The following C12orf42 variants were observed in gnomAD, a reference collection of about 807,000 sequenced individuals.
The protein encoded by C12orf42 is chromosome 12 open reading frame 42, also known as uncharacterized protein C12orf42.
A neutral mutation model predicts 21.6 loss-of-function variants in C12orf42; 25 were observed. That is an observed-to-expected ratio of 1.16 (90% confidence interval 0.84 to 1.62). C12orf42 has a LOEUF of 1.62. Among genes scored for constraint, C12orf42 ranks in the 40% most tolerant of loss-of-function variants. C12orf42 has a pLI of 0.00. For missense variants in C12orf42, 483 were observed against 459.3 expected (o/e 1.05, Z -0.47); for synonymous variants, 174 against 175.0 (o/e 0.99, Z 0.05).
At chr12:103,428,399 C>T (rs1400562029) in intron 2 of C12orf42, among the ~76,000 whole-genome samples, 4 of 151,952 alleles carry the variant, frequency 2.6e-5, no homozygotes, top group Non-Finnish European at 4.4e-5. Context: ...ACACATACAC[C>T]CTCCCAAACT....
chr12:103,213,372 C>G, the C12orf42 span, among the ~76,000 whole-genome samples: 1 of 152,160 alleles, frequency 6.6e-6, no homozygotes, highest in East Asian at 1.9e-4. Context: ...TGCTTTCAAC[C>G]ACACAAAAAT....
the C12orf42 span, among the ~76,000 whole-genome samples, chr12:103,157,518 G>C: frequency 6.6e-6 from 1 of 152,140 alleles, no homozygotes; most frequent in Non-Finnish European, 1.5e-5. Flanking sequence ...ATTGCCTTTG[G>C]TGTTTTAGTC....
At chr12:103,295,862 T>A (rs574165598) in intron 4 of C12orf42, among the ~76,000 whole-genome samples, 18 of 152,268 alleles carry the variant, frequency 1.2e-4, no homozygotes, top group Admixed American at 2.6e-4. Flanking sequence ...CCAATTTTTT[T>A]AAATTTTTTT....
chr12:103,319,814 G>C (rs1043549643), intron 4 of C12orf42, among the ~76,000 whole-genome samples: 1 of 152,200 alleles, frequency 6.6e-6, no homozygotes, highest in Admixed American at 6.5e-5. Flanking sequence ...CCTTCGCACA[G>C]CAGTGGTGCT....
chr12:103,349,544 G>T (rs897328916), intron 4 of C12orf42, among the ~76,000 whole-genome samples: 2 of 152,082 alleles, frequency 1.3e-5, no homozygotes, highest in Non-Finnish European at 2.9e-5. Flanking sequence ...ATTTAAAGGA[G>T]TCCTATATTA....
intron 4 of C12orf42, among the ~76,000 whole-genome samples, chr12:103,365,108 T>C (rs568778484): frequency 4.6e-5 from 7 of 152,026 alleles, no homozygotes; most frequent in Non-Finnish European, 7.4e-5. Flanking sequence ...CAACAGCATA[T>C]CAAAAAGATA....
In C12orf42 at chr12:103,279,797, G is replaced by A. The variant is rs144913078; in HGVS notation, n.338-2587C>T. Among the ~76,000 whole-genome samples, 420 of 152,228 alleles carry A rather than the reference G, an allele frequency of 2.8e-3. 1 individual carries two copies. The highest frequency in any genetic ancestry group is 7.6e-3 in the African/African-American group (317 of 41,524). ...GAAAGAGTCCAGCTTTCTCTCTCTC[G>A]TGTTGAAAGATGGGACACCATGGCA... On this transcript the variant is annotated intron_variant and non_coding_transcript_variant, in intron 4 of 6. Coordinates refer to the C12orf42 transcript ENST00000546526.
At chr12:103,342,070 A>C (rs2137259396) in intron 4 of C12orf42, among the ~76,000 whole-genome samples, 1 of 152,358 alleles carries the variant, frequency 6.6e-6, no homozygotes, top group South Asian at 2.1e-4. Flanking sequence ...AAATAGATAG[A>C]TAGACAGATA....
chr12:103,435,902 G>A (rs1053697393), intron 2 of C12orf42, among the ~76,000 whole-genome samples: 9 of 150,312 alleles, frequency 6.0e-5, no homozygotes, highest in South Asian at 2.1e-4. Flanking sequence ...TACAGAGAAC[G>A]CCACAAAGAT....
intron 10 of C12orf42, among the ~76,000 whole-genome samples, chr12:103,249,101 T>G (rs2034152365): frequency 6.6e-6 from 1 of 151,772 alleles, no homozygotes; most frequent in Non-Finnish European, 1.5e-5. Context: ...CAAGCTTGAG[T>G]CGGGGCCCTG....
chr12:103,551,020 A>C, the C12orf42 span, among the ~76,000 whole-genome samples: 2 of 152,032 alleles, frequency 1.3e-5, no homozygotes, highest in Non-Finnish European at 2.9e-5. Context: ...TTGTTCTATC[A>C]CTTATAGTGT....
chr12:103,112,588 G>C, the C12orf42 span, among the ~76,000 whole-genome samples: 1 of 152,158 alleles, frequency 6.6e-6, no homozygotes, highest in African/African-American at 2.4e-5. Flanking sequence ...TTGAACCCAG[G>C]AGGCAGAGGT....
intron 1 of C12orf42, among the ~76,000 whole-genome samples, chr12:103,480,649 T>A (rs1248816543): frequency 6.6e-6 from 1 of 151,722 alleles, no homozygotes; most frequent in Non-Finnish European, 1.5e-5. Flanking sequence ...CTAATGCTTT[T>A]GAATTTGCAT....
intron 4 of C12orf42, among the ~76,000 whole-genome samples, chr12:103,322,125 G>GCACA (rs34616179): frequency 1.3e-4 from 12 of 90,562 alleles, no homozygotes; most frequent in South Asian, 4.7e-4. Flanking sequence ...GCGCGCGCGC[G>GCACA]CACACACACA....
intron 4 of C12orf42, chr12:103,367,951 T>C: frequency 1.4e-6 from 1 of 722,726 alleles, no homozygotes; most frequent in Non-Finnish European, 2.0e-6. Flanking sequence ...CATATAAATA[T>C]AAGTGAATGA....
At chr12:103,240,510 C>G (rs759213898) in intron 10 of C12orf42, among the ~76,000 whole-genome samples, 1 of 152,302 alleles carries the variant, frequency 6.6e-6, no homozygotes, top group East Asian at 1.9e-4. Flanking sequence ...AGGAGTCACA[C>G]TTGCTCCTGA....
chr12:103,231,224 C>T, the C12orf42 span, among the ~76,000 whole-genome samples: 1 of 152,180 alleles, frequency 6.6e-6, no homozygotes, highest in African/African-American at 2.4e-5. Context: ...TCCCTGCCTT[C>T]ACACATGCAT....
chr12:103,481,029 G>C (rs1452052283), intron 1 of C12orf42, among the ~76,000 whole-genome samples: 2 of 151,548 alleles, frequency 1.3e-5, no homozygotes, highest in African/African-American at 4.8e-5. Context: ...CTGTAGTTCA[G>C]TCAATTTTTA....
intron 2 of C12orf42, among the ~76,000 whole-genome samples, chr12:103,462,095 G>GTTTTTTTTTTT (rs1565867930): frequency 1.6e-4 from 5 of 31,482 alleles, no homozygotes; most frequent in East Asian, 6.7e-4. Flanking sequence ...TTTTTTGCTT[G>GTTTTTTTTTTT]GTTTTTTTTT....
Sources: allele counts gnomAD v4.1 joint callset (sites outside exome capture counted in the v4.1 genomes callset), GRCh38; gene constraint gnomAD v4.1.1; transcripts MANE v1.5; gene names NCBI Gene and HGNC (gene_info 2026-07-23, HGNC 2026-07-21).